The following UIMC1 variants were observed in gnomAD, a reference collection of about 807,000 sequenced individuals.
The protein encoded by UIMC1 is ubiquitin interaction motif containing 1, also known as BRCA1-A complex subunit RAP80.
In UIMC1, 42 loss-of-function variants were observed where a neutral mutation model predicts 84.9. The ratio of observed to expected loss-of-function variants is 0.49; its 90% CI spans 0.39 to 0.64. The LOEUF is 0.64. Ranked by LOEUF, UIMC1 falls within the 30% of genes least tolerant of loss-of-function variation. The probability of loss-of-function intolerance (pLI) is 0.00; values close to 1 mark genes in which losing one functional copy is unlikely to be tolerated. For synonymous variants in UIMC1, 281 were observed against 293.0 expected (o/e 0.96, Z 0.42); for missense variants, 825 against 847.6 (o/e 0.97, Z 0.33).
intron 2 of UIMC1, among the ~76,000 whole-genome samples, chr5:176,977,184 C>T (rs1770225657): frequency 6.8e-6 from 1 of 146,690 alleles, no homozygotes; most frequent in African/African-American, 2.6e-5. Flanking sequence ...GATCGCGCCA[C>T]TGCTCTACAG....
chr5:177,009,015 GTT>G (rs543438267), upstream of UIMC1, among the ~76,000 whole-genome samples: 2 of 144,178 alleles, frequency 1.4e-5, no homozygotes, highest in Non-Finnish European at 1.5e-5. This position sits in a 1 kb window ranked among gnomAD's most constrained non-coding sequence, Gnocchi z 4.3. Context: ...GTTTTTTGGT[GTT>G]TTTTTTTTTT....
chr5:176,905,186 A>G lies in UIMC1; in HGVS notation c.*96T>C. On this transcript the variant is annotated 3_prime_UTR_variant, in exon 15 of 15. Coordinates refer to ENST00000511320, the MANE Select transcript of UIMC1 (RefSeq NM_001199298.2). ...GCTGGTGGTGAAAACTGCAGGGCTA[A>G]AACTTGCTCAACAATGAACTAGGGA... The G allele has an allele frequency of 7.2e-7, 1 of 1,380,642 alleles. No individual in the cohort carries two copies. Among genetic ancestry groups the G allele is most frequent in the Non-Finnish European group, 9.9e-7 (1 of 1,012,586 alleles). 85.5% of individuals were successfully genotyped at this position (1,380,642 alleles called of 1,614,324 possible). A position where few individuals can be genotyped will look rare whatever the true frequency, so the allele number is the denominator to read the frequency against.
intron 1 of UIMC1, among the ~76,000 whole-genome samples, chr5:177,004,029 C>T (rs1774919503): frequency 6.6e-6 from 1 of 152,122 alleles, no homozygotes; most frequent in African/African-American, 2.4e-5. Flanking sequence ...TGGGTTTCAC[C>T]ACGTTATCCA....
intron 1 of UIMC1, among the ~76,000 whole-genome samples, chr5:177,019,480 A>AG: frequency 6.6e-6 from 1 of 151,864 alleles, no homozygotes; most frequent in East Asian, 1.9e-4. Flanking sequence ...TACAAAAAAA[A>AG]AATTTTTTTT....
intron 10 of UIMC1, among the ~76,000 whole-genome samples, chr5:176,917,999 G>A (rs972526787): frequency 3.3e-4 from 50 of 152,174 alleles, no homozygotes; most frequent in African/African-American, 1.2e-3. Flanking sequence ...AGTCCCATGA[G>A]CCACATTTCA....
intron 1 of UIMC1, among the ~76,000 whole-genome samples, chr5:177,018,456 A>G (rs903251485): frequency 6.6e-6 from 1 of 152,208 alleles, no homozygotes; most frequent in African/African-American, 2.4e-5. Flanking sequence ...ATGCACATAC[A>G]GAGTCAGTAT....
intron 1 of UIMC1, chr5:177,022,328 C>G (rs1176376443): frequency 5.6e-6 from 1 of 179,130 alleles, no homozygotes; most frequent in African/African-American, 2.4e-5. Context: ...CTTAGCTGTA[C>G]TACTACTTAC....
rs11748286 is a variant in UIMC1, at chr5:176,992,544, T to C, written c.-8-9921A>G. On this transcript the variant is annotated intron_variant, in intron 1 of 14. Transcript: ENST00000511320. ...TTTTAAATTGATAAATTTGACTTTA[T>C]TGAAATTTAAAACTTCTGCTCTTTA... is the stretch of plus-strand genomic sequence containing the variant. Among the ~76,000 whole-genome samples the C allele has an allele frequency of 6.8e-3, 1,032 of 152,100 alleles. 13 individuals carry two copies. Among genetic ancestry groups the C allele is most frequent in the South Asian group, 0.035 (169 of 4,824 alleles).
intron 10 of UIMC1, among the ~76,000 whole-genome samples, chr5:176,932,522 T>TAGAC (rs34037908): frequency 0.058 from 8,744 of 151,852 alleles, 479 homozygotes; most frequent in East Asian, 0.27. Context: ...GATAGACAGA[T>TAGAC]AGACAGACAG....
At chr5:176,982,915 TCTCA>T (rs1771270539) in intron 1 of UIMC1, among the ~76,000 whole-genome samples, 1 of 152,108 alleles carries the variant, frequency 6.6e-6, no homozygotes. Flanking sequence ...GCCAGGCTGG[TCTCA>T]AACTCCTCAC....
At chr5:176,923,708 A>T (rs1761990973) in intron 10 of UIMC1, among the ~76,000 whole-genome samples, 1 of 151,662 alleles carries the variant, frequency 6.6e-6, no homozygotes, top group Non-Finnish European at 1.5e-5. Context: ...TACTAAAAAT[A>T]TGAAAATTAG....
chr5:176,905,621 CCACAT>C (rs1159685065), intron 14 of UIMC1, 129 bp from the exon 15 acceptor site: 2 of 850,174 alleles, frequency 2.4e-6, no homozygotes, highest in Non-Finnish European at 3.6e-6. Flanking sequence ...AATAATCCCA[CCACAT>C]ATCATCACTC....
chr5:176,948,512 C>T (rs1765421170), intron 9 of UIMC1, among the ~76,000 whole-genome samples: 2 of 152,308 alleles, frequency 1.3e-5, no homozygotes, highest in South Asian at 4.1e-4. Context: ...AAGCATTTCT[C>T]TTCTGTGCTT....
chr5:177,008,172 G>A (rs1026538975), upstream of UIMC1, among the ~76,000 whole-genome samples: 11 of 151,238 alleles, frequency 7.3e-5, no homozygotes, highest in Non-Finnish European at 1.5e-4. Flanking sequence ...TAGGGTAATC[G>A]AACGTGGAAC....
chr5:176,950,247 G>A (rs932831341), intron 9 of UIMC1, among the ~76,000 whole-genome samples: 39 of 150,614 alleles, frequency 2.6e-4, no homozygotes, highest in Admixed American at 1.3e-3. Context: ...CTACAGATGC[G>A]CACCACCACG....
chr5:177,016,145 A>G (rs1471768476), intron 1 of UIMC1, among the ~76,000 whole-genome samples: 2 of 152,006 alleles, frequency 1.3e-5, no homozygotes, highest in African/African-American at 4.8e-5. Flanking sequence ...TGGGGGGATC[A>G]CCTGAGGACA....
intron 10 of UIMC1, among the ~76,000 whole-genome samples, chr5:176,941,906 C>T (rs1764485334): frequency 1.3e-5 from 2 of 152,032 alleles, no homozygotes; most frequent in South Asian, 2.1e-4. Flanking sequence ...TGCAATGGCA[C>T]GATCTCGGCT....
chr5:176,963,157 TAAAAAAAAAAAAAAA>T (rs70991588), intron 6 of UIMC1, among the ~76,000 whole-genome samples: 1 of 13,986 alleles, frequency 7.2e-5, no homozygotes, highest in Non-Finnish European at 1.1e-4. Context: ...AAAAATAAAT[TAAAAAAAAAAAAAAA>T]AAAAAAAAAA....
chr5:176,993,564 T>A (rs1451826470), intron 1 of UIMC1, among the ~76,000 whole-genome samples: 1 of 152,082 alleles, frequency 6.6e-6, no homozygotes, highest in Non-Finnish European at 1.5e-5. Context: ...AACCTGTACG[T>A]TCTGCACATG....
Sources: allele counts gnomAD v4.1 joint callset (sites outside exome capture counted in the v4.1 genomes callset), GRCh38; gene constraint gnomAD v4.1.1; non-coding constraint Gnocchi (gnomAD v3.1); transcripts MANE v1.5; gene names NCBI Gene and HGNC (gene_info 2026-07-23, HGNC 2026-07-21).